FAM193A: variants seen among roughly 807,000 people sequenced by gnomAD.
FAM193A encodes the protein family with sequence similarity 193 member A.
In FAM193A, 22 loss-of-function variants were observed where a neutral mutation model predicts 126.5. The ratio of observed to expected loss-of-function variants is 0.17; its 90% CI spans 0.12 to 0.25. FAM193A has a LOEUF of 0.25. Among genes scored for constraint, FAM193A ranks in the 10% least tolerant of loss-of-function variants. The pLI is 1.00. For missense variants in FAM193A, 1,675 were observed against 1,672.8 expected, an observed-to-expected ratio of 1.00 and a Z score of -0.02; for synonymous variants, 761 against 646.8, an observed-to-expected ratio of 1.18 and a Z score of -2.68.
intron 1 of FAM193A, among the ~76,000 whole-genome samples, chr4:2,580,959 CT>C (rs1172934277): frequency 6.6e-6 from 1 of 152,164 alleles, no homozygotes; most frequent in Admixed American, 6.5e-5. Flanking sequence ...GAAACCCCGT[CT>C]CTACTAAAAA....
At position 2,639,948 on chromosome 4, in the gene FAM193A, G is replaced by C. The variant is rs569175123; in HGVS notation, c.1163+89G>C. On this transcript the variant is annotated intron_variant, in intron 6 of 20. Transcript: ENST00000637812. Reference sequence around the variant, plus strand: ...TGTGCGTGTACCCGAGTACCACTGAGTATGAAAGTTCTTGCAGGAAAAATA... The same window carrying C: ...TGTGCGTGTACCCGAGTACCACTGACTATGAAAGTTCTTGCAGGAAAAATA... The C allele has an allele frequency of 3.5e-5, 44 of 1,270,088 alleles. No individual in the cohort carries two copies. In the South Asian group the frequency reaches 7.8e-4, roughly 23 times the overall value. 78.7% of individuals were successfully genotyped at this position (1,270,088 alleles called of 1,614,324 possible). A position where few individuals can be genotyped will look rare whatever the true frequency, so the allele number is the denominator to read the frequency against.
chr4:2,672,778 G>A (rs1476948430), intron 13 of FAM193A, among the ~76,000 whole-genome samples: 2 of 152,130 alleles, frequency 1.3e-5, no homozygotes, highest in East Asian at 3.8e-4. Flanking sequence ...ACACTGGCTG[G>A]ACTCTACAGG....
At chr4:2,555,896 G>T (rs371565334) in intron 1 of FAM193A, among the ~76,000 whole-genome samples, 1 of 149,220 alleles carries the variant, frequency 6.7e-6, no homozygotes, top group Non-Finnish European at 1.5e-5. Context: ...GATTACAAGC[G>T]TGAGAGACAC....
chr4:2,642,134 C>CA (rs35799531), intron 6 of FAM193A, among the ~76,000 whole-genome samples: 2,452 of 86,174 alleles, frequency 0.028, 37 homozygotes, highest in East Asian at 0.038. Flanking sequence ...ACTAAAAATA[C>CA]AAAAAAAAAA....
At chr4:2,705,283 A>G (rs776070980) in intron 19 of FAM193A, among the ~76,000 whole-genome samples, 7 of 152,218 alleles carry the variant, frequency 4.6e-5, no homozygotes, top group Non-Finnish European at 1.0e-4. Context: ...CTCCCAGTTC[A>G]TAAGTTGTCT....
intron 20 of FAM193A, among the ~76,000 whole-genome samples, chr4:2,722,552 G>C (rs909389522): frequency 6.6e-6 from 1 of 152,198 alleles, no homozygotes; most frequent in African/African-American, 2.4e-5. Context: ...AGAGTTAGGA[G>C]GGGACAGCAG....
chr4:2,584,057 T>C (rs1264370959), intron 1 of FAM193A, among the ~76,000 whole-genome samples: 2 of 152,112 alleles, frequency 1.3e-5, no homozygotes, highest in East Asian at 3.9e-4. Flanking sequence ...AAAACCTTCT[T>C]CTTTGTTTTC....
chr4:2,664,762 A>C (rs1468002305), intron 12 of FAM193A, among the ~76,000 whole-genome samples: 3 of 151,494 alleles, frequency 2.0e-5, no homozygotes, highest in Non-Finnish European at 4.4e-5. Context: ...ACGGGGTTTC[A>C]CTATATTGGC....
chr4:2,585,083 A>G (rs1029823170), intron 1 of FAM193A, among the ~76,000 whole-genome samples: 2 of 152,188 alleles, frequency 1.3e-5, no homozygotes, highest in African/African-American at 4.8e-5. Flanking sequence ...GAACTTAGCT[A>G]TGGTTTATCC....
chr4:2,689,838 A>G (rs1342176440), intron 14 of FAM193A, 134 bp downstream of exon 14: 1 of 620,496 alleles, frequency 1.6e-6, no homozygotes. Flanking sequence ...CTCCAGTGGG[A>G]GGCCCCTCGG....
intron 2 of FAM193A, among the ~76,000 whole-genome samples, chr4:2,598,996 C>T (rs1344423156): frequency 1.3e-5 from 2 of 152,306 alleles, no homozygotes; most frequent in Middle Eastern, 3.4e-3. Flanking sequence ...GGGGTCTGAC[C>T]GGCCCCGTGT....
intron 1 of FAM193A, among the ~76,000 whole-genome samples, chr4:2,553,578 C>A (rs1323337321): frequency 6.6e-6 from 1 of 151,774 alleles, no homozygotes; most frequent in Non-Finnish European, 1.5e-5. Flanking sequence ...ATGGGGTTTC[C>A]CCATGTTGGC....
intron 19 of FAM193A, among the ~76,000 whole-genome samples, chr4:2,705,924 G>C (rs1475263345): frequency 1.3e-5 from 2 of 152,174 alleles, no homozygotes; most frequent in Non-Finnish European, 2.9e-5. Context: ...CCTGGACCAG[G>C]TGTGAGGGTG....
chr4:2,652,437 A>G (rs1448945745), intron 7 of FAM193A, among the ~76,000 whole-genome samples: 2 of 152,216 alleles, frequency 1.3e-5, no homozygotes, highest in Non-Finnish European at 2.9e-5. Context: ...TATAAAGAAA[A>G]GCAGTTTAAT....
intron 1 of FAM193A, among the ~76,000 whole-genome samples, chr4:2,545,901 G>A (rs1294148912): frequency 6.6e-6 from 1 of 152,150 alleles, no homozygotes; most frequent in Non-Finnish European, 1.5e-5. Flanking sequence ...TGTTATCCCA[G>A]CACTTTGGGA....
At chr4:2,562,636 GT>G (rs764512793) in intron 1 of FAM193A, among the ~76,000 whole-genome samples, 116 of 142,166 alleles carry the variant, frequency 8.2e-4, no homozygotes, top group Admixed American at 9.2e-4. Flanking sequence ...TCCTTTTTTT[GT>G]TTTTTTTTTT....
intron 1 of FAM193A, among the ~76,000 whole-genome samples, chr4:2,594,691 C>G (rs1002687445): frequency 1.3e-5 from 2 of 152,070 alleles, no homozygotes; most frequent in Non-Finnish European, 2.9e-5. Flanking sequence ...AAGGACCCGT[C>G]TTAGGATTGG....
chr4:2,596,500 A>G (rs955224221), intron 2 of FAM193A, among the ~76,000 whole-genome samples, 171 bp downstream of exon 2: 4 of 152,198 alleles, frequency 2.6e-5, no homozygotes, highest in Admixed American at 6.5e-5. Flanking sequence ...CCCTGGCCAC[A>G]CTGCAGTAGG....
At chr4:2,632,411 T>A (rs1743683555) in intron 5 of FAM193A, among the ~76,000 whole-genome samples, 1 of 151,902 alleles carries the variant, frequency 6.6e-6, no homozygotes, top group South Asian at 2.1e-4. Context: ...ACCAAAAAAA[T>A]TTAAAATTAA....
Sources: allele counts gnomAD v4.1 joint callset (sites outside exome capture counted in the v4.1 genomes callset), GRCh38; gene constraint gnomAD v4.1.1; transcripts MANE v1.5; gene names NCBI Gene and HGNC (gene_info 2026-07-23, HGNC 2026-07-21).